Variants in CFAP251 observed in about 807,000 individuals in gnomAD.
CFAP251 encodes the protein cilia and flagella associated protein 251.
In CFAP251, 93 loss-of-function variants were observed where a neutral mutation model predicts 126.7. The observed-to-expected ratio is 0.73, with a 90% CI of 0.62 to 0.87. The LOEUF (loss-of-function observed/expected upper bound fraction) is 0.87, where lower values mean the gene tolerates loss of function less well. Among genes scored for constraint, CFAP251 ranks in the 40% least tolerant of loss-of-function variants. CFAP251 has a pLI of 0.00. For synonymous variants in CFAP251, 503 were observed against 506.9 expected, an observed-to-expected ratio of 0.99 and a Z score of 0.10; for missense variants, 1,287 against 1,389.2, an observed-to-expected ratio of 0.93 and a Z score of 1.17.
At chr12:121,957,863 G>A (rs1265556983) in intron 11 of CFAP251, among the ~76,000 whole-genome samples, 1 of 152,086 alleles carries the variant, frequency 6.6e-6, no homozygotes, top group Non-Finnish European at 1.5e-5. Context: ...GCTTGTCCTA[G>A]CCACTGCAGT....
intron 19 of CFAP251, among the ~76,000 whole-genome samples, chr12:121,995,331 T>C (rs1195508358): frequency 6.6e-6 from 1 of 152,260 alleles, no homozygotes; most frequent in Non-Finnish European, 1.5e-5. Flanking sequence ...GGATAGTGTT[T>C]TTTCCTACAT....
intron 19 of CFAP251, among the ~76,000 whole-genome samples, chr12:121,995,394 G>A (rs998393289): frequency 3.3e-5 from 5 of 152,152 alleles, no homozygotes; most frequent in African/African-American, 1.2e-4. Flanking sequence ...CTCAGTAAAT[G>A]CTGTATATGA....
chr12:121,968,205 A>T lies in CFAP251; in HGVS notation c.2771+36A>T. ...GGGCGAGAAGGAAGGTATCAAGTGT[A>T]AACTCCTTTTCACTCAGCAACAGTG... On this transcript the variant is annotated intron_variant, in intron 17 of 21. Transcript: ENST00000288912. 1.9e-6 allele frequency: 3 copies of T among 1,569,988 alleles called. No individual in the cohort carries two copies. The South Asian group carries it at 3.4e-5, about 18-fold the overall frequency.
intron 19 of CFAP251, among the ~76,000 whole-genome samples, chr12:121,979,586 A>G (rs1209890694): frequency 3.3e-4 from 3 of 9,188 alleles, no homozygotes; most frequent in Admixed American, 1.0e-3. Flanking sequence ...TTTTTTTGAG[A>G]CAGCATCTTG....
chr12:121,954,358 T>A, intron 10 of CFAP251, 24 bp downstream of exon 10: 1 of 1,560,748 alleles, frequency 6.4e-7, no homozygotes, highest in East Asian at 2.3e-5. Context: ...AATTAAAAGA[T>A]AACTATGGAT....
chr12:121,928,518 T>C (rs904119060), intron 3 of CFAP251, among the ~76,000 whole-genome samples: 3 of 151,288 alleles, frequency 2.0e-5, no homozygotes, highest in African/African-American at 7.3e-5. Context: ...TTACCAGATT[T>C]TGTTTCTATA....
At chr12:121,972,724 G>A (rs1420646160) in intron 17 of CFAP251, among the ~76,000 whole-genome samples, 16 of 152,076 alleles carry the variant, frequency 1.1e-4, no homozygotes, top group South Asian at 6.2e-4. Flanking sequence ...TCCTGACCTC[G>A]TGATCCACCT....
At chr12:121,969,622 AC>A in intron 17 of CFAP251, 1 of 758,356 alleles carries the variant, frequency 1.3e-6, no homozygotes, top group Non-Finnish European at 1.6e-6. Context: ...AGTAGCTGGG[AC>A]CACAGGCATA....
chr12:121,990,523 C>A (rs75007556), intron 19 of CFAP251, among the ~76,000 whole-genome samples: 1 of 152,178 alleles, frequency 6.6e-6, no homozygotes, highest in Non-Finnish European at 1.5e-5. Flanking sequence ...TCCCAGCATA[C>A]AGTGTCTTCC....
chr12:121,921,750 CAGA>C, intron 2 of CFAP251, 67 bp downstream of exon 2: 2 of 1,484,006 alleles, frequency 1.3e-6, no homozygotes, highest in South Asian at 1.4e-5. Context: ...TAGTATAGGC[CAGA>C]CTATGGGAAC....
At chr12:121,941,035 C>A (rs1565906784) in intron 5 of CFAP251, among the ~76,000 whole-genome samples, 1 of 151,662 alleles carries the variant, frequency 6.6e-6, no homozygotes, top group Admixed American at 6.6e-5. Flanking sequence ...ATTTTTATGT[C>A]TTTATTTTTT....
chr12:121,987,122 C>T (rs1479676271), intron 19 of CFAP251, among the ~76,000 whole-genome samples: 3 of 152,314 alleles, frequency 2.0e-5, no homozygotes, highest in Non-Finnish European at 4.4e-5. Context: ...AATTTCTGTT[C>T]TGATAAAGAC....
chr12:121,959,802 T>A (rs1881862546), intron 13 of CFAP251: 1 of 152,158 alleles, frequency 6.6e-6, no homozygotes, highest in African/African-American at 2.4e-5. Context: ...CTTTTCAGTT[T>A]TCTGCTTTTA....
intron 3 of CFAP251, among the ~76,000 whole-genome samples, chr12:121,925,152 G>T (rs1880361725): frequency 6.6e-6 from 1 of 152,080 alleles, no homozygotes; most frequent in Non-Finnish European, 1.5e-5. Flanking sequence ...GAGGGTCCCA[G>T]AGTGGAAGGT....
At chr12:121,939,973 TAAC>T (rs956371887) in intron 5 of CFAP251, among the ~76,000 whole-genome samples, 1 of 152,226 alleles carries the variant, frequency 6.6e-6, no homozygotes, top group Non-Finnish European at 1.5e-5. Context: ...GTAGTCTGAT[TAAC>T]AAACAAATCC....
intron 1 of CFAP251, among the ~76,000 whole-genome samples, chr12:121,920,222 CTTT>C (rs1161902952): frequency 5.5e-3 from 321 of 57,902 alleles, no homozygotes; most frequent in African/African-American, 0.02. Flanking sequence ...ACAAATGTGA[CTTT>C]TTTTTTTTTT....
Position 121,942,576 on chromosome 12 carries a change from T to C in CFAP251, c.1041T>C (p.Asn347=). 6.2e-7 allele frequency: 1 copy of C among 1,613,944 alleles called. No homozygotes were observed. Among genetic ancestry groups the C allele is most frequent in the Non-Finnish European group, 8.5e-7 (1 of 1,179,984 alleles). Residue 347 remains asparagine, a synonymous_variant, in exon 6 of 22, where the codon AAT becomes AAC. Transcript: ENST00000288912. ...HTIFDSCPEG[N]GIMAMAMTHD... ...TATTTGACAGCTGCCCTGAAGGGAA[T>C]GGCATCATGGCCATGGCCATGACCC...
intron 3 of CFAP251, among the ~76,000 whole-genome samples, chr12:121,926,773 C>T (rs1880434818): frequency 6.6e-6 from 1 of 151,916 alleles, no homozygotes; most frequent in Non-Finnish European, 1.5e-5. Context: ...GGTGAAACCC[C>T]TCTCCACTAA....
chr12:121,936,256 T>C (rs1011132570), intron 5 of CFAP251, among the ~76,000 whole-genome samples: 1 of 151,732 alleles, frequency 6.6e-6, no homozygotes, highest in Non-Finnish European at 1.5e-5. Flanking sequence ...AGGCCAGGAG[T>C]GGGCAACATA....
Sources: allele counts gnomAD v4.1 joint callset (sites outside exome capture counted in the v4.1 genomes callset), GRCh38; gene constraint gnomAD v4.1.1; transcripts MANE v1.5; gene names NCBI Gene and HGNC (gene_info 2026-07-23, HGNC 2026-07-21).